The following SLC24A3 variants were observed in gnomAD, a reference collection of about 807,000 sequenced individuals.
The protein encoded by SLC24A3 is sodium/potassium/calcium exchanger 3.
Under a neutral mutation model 75.8 loss-of-function variants are expected in SLC24A3, and 28 were observed. That is an observed-to-expected ratio of 0.37 (90% CI 0.27 to 0.51). SLC24A3 has a LOEUF of 0.51. SLC24A3 is among the 20% of genes least tolerant of loss of function. The pLI is 0.94. For missense variants in SLC24A3, 663 were observed against 847.8 expected (o/e 0.78, Z 2.71); for synonymous variants, 372 against 334.1 (o/e 1.11, Z -1.24).
At chr20:19,479,839 G>A (rs1988024192) in intron 2 of SLC24A3, among the ~76,000 whole-genome samples, 1 of 152,194 alleles carries the variant, frequency 6.6e-6, no homozygotes, top group African/African-American at 2.4e-5. Flanking sequence ...GACCATGAAT[G>A]CTTAAGGCAC....
chr20:19,244,285 G>A (rs144149942), intron 1 of SLC24A3: 1 of 152,336 alleles, frequency 6.6e-6, no homozygotes, highest in Non-Finnish European at 1.5e-5. Context: ...ACAATGCCGA[G>A]AGGCTGCTGG....
chr20:19,260,840 C>A (rs968875280), intron 1 of SLC24A3, among the ~76,000 whole-genome samples: 1 of 152,216 alleles, frequency 6.6e-6, no homozygotes, highest in Non-Finnish European at 1.5e-5. Flanking sequence ...GTAACCCCCT[C>A]CGGCATGGAC....
intron 2 of SLC24A3, among the ~76,000 whole-genome samples, chr20:19,332,759 A>C (rs1241901858): frequency 6.6e-6 from 1 of 152,310 alleles, no homozygotes; most frequent in Non-Finnish European, 1.5e-5. Flanking sequence ...CCTTGGTCCC[A>C]TGAACACTCC....
At chr20:19,415,595 C>T (rs933008965) in intron 2 of SLC24A3, among the ~76,000 whole-genome samples, 3 of 151,996 alleles carry the variant, frequency 2.0e-5, no homozygotes, top group Admixed American at 1.3e-4. Flanking sequence ...AGAATGTATA[C>T]CTTAAATGTG....
At chr20:19,318,986 A>C (rs1984645647) in intron 2 of SLC24A3, among the ~76,000 whole-genome samples, 1 of 152,006 alleles carries the variant, frequency 6.6e-6, no homozygotes, top group Non-Finnish European at 1.5e-5. Flanking sequence ...ACCTCAGAAG[A>C]AAGTTCGAGA....
At chr20:19,573,851 T>C (rs1008114211) in intron 3 of SLC24A3, among the ~76,000 whole-genome samples, 1 of 152,080 alleles carries the variant, frequency 6.6e-6, no homozygotes, top group African/African-American at 2.4e-5. Context: ...TAGAACAAGA[T>C]TGAAGTTGTG....
chr20:19,584,913 A>G, intron 4 of SLC24A3, 58 bp from the exon 5 acceptor site: 1 of 1,516,570 alleles, frequency 6.6e-7, no homozygotes, highest in Non-Finnish European at 9.1e-7. Flanking sequence ...TGTCACAGTC[A>G]CCTCTCTTCC....
At chr20:19,631,646 G>A (rs956350753) in intron 6 of SLC24A3, among the ~76,000 whole-genome samples, 1 of 152,172 alleles carries the variant, frequency 6.6e-6, no homozygotes, top group Non-Finnish European at 1.5e-5. Context: ...TGTACTGCAC[G>A]TTGCTAGCCC....
At chr20:19,567,972 G>C (rs2030987324) in intron 3 of SLC24A3, among the ~76,000 whole-genome samples, 1 of 151,708 alleles carries the variant, frequency 6.6e-6, no homozygotes, top group African/African-American at 2.4e-5. Context: ...AATGGGCGAA[G>C]GACTTGAATA....
intron 6 of SLC24A3, among the ~76,000 whole-genome samples, chr20:19,605,450 A>G (rs1172711209): frequency 6.6e-6 from 1 of 152,184 alleles, no homozygotes; most frequent in African/African-American, 2.4e-5. Flanking sequence ...TTGGTATTAG[A>G]ACGTAATAGC....
intron 3 of SLC24A3, among the ~76,000 whole-genome samples, chr20:19,557,514 G>C (rs188159170): frequency 6.6e-6 from 1 of 152,072 alleles, no homozygotes; most frequent in Non-Finnish European, 1.5e-5. Flanking sequence ...CTCAGTAGCT[G>C]TCTCCAAAAC....
At chr20:19,664,066 C>T (rs2032369807) in intron 7 of SLC24A3, among the ~76,000 whole-genome samples, 1 of 152,114 alleles carries the variant, frequency 6.6e-6, no homozygotes, top group South Asian at 2.1e-4. Flanking sequence ...TTAAATTGGC[C>T]TGGTCTAATA....
intron 2 of SLC24A3, among the ~76,000 whole-genome samples, chr20:19,510,457 C>A (rs554416789): frequency 6.6e-6 from 1 of 152,158 alleles, no homozygotes; most frequent in Admixed American, 6.5e-5. Flanking sequence ...AGATACCTTG[C>A]GTCTCCTCTT....
At chr20:19,228,847 A>G (rs140941071) in intron 1 of SLC24A3, among the ~76,000 whole-genome samples, 200 of 152,270 alleles carry the variant, frequency 1.3e-3, no homozygotes, top group African/African-American at 4.5e-3. Context: ...ATTTTTGCCT[A>G]TATATTTATG....
chr20:19,509,902 G>A (rs562271253), intron 2 of SLC24A3, among the ~76,000 whole-genome samples: 1 of 152,226 alleles, frequency 6.6e-6, no homozygotes, highest in Non-Finnish European at 1.5e-5. Flanking sequence ...TTGGCATTGA[G>A]CCCCACATTT....
intron 2 of SLC24A3, among the ~76,000 whole-genome samples, chr20:19,435,145 A>G (rs891105851): frequency 2.6e-5 from 4 of 152,212 alleles, no homozygotes; most frequent in African/African-American, 9.6e-5. Context: ...TGGAGAGAGA[A>G]CAGGCTTCCA....
rs1031935464 is a variant in SLC24A3 at position 19,412,671 on chromosome 20, ATGAAAT to A, written c.272-102815_272-102810del. ...CACCTGAAGGCAGCAGCATGCCCTGATGAAATTCTTTTAAGATCTCCCACAGAATAG... is the reference window on the plus strand; with the variant it reads ...CACCTGAAGGCAGCAGCATGCCCTGATCTTTTAAGATCTCCCACAGAATAG... On this transcript the variant is annotated intron_variant, in intron 2 of 16. Coordinates refer to ENST00000328041, the MANE Select transcript of SLC24A3 (RefSeq NM_020689.4). Among the ~76,000 whole-genome samples the A allele has an allele frequency of 5.3e-5, 8 of 152,238 alleles. No individual in the cohort carries two copies. The East Asian group carries it at 7.7e-4, about 15-fold the overall frequency.
At chr20:19,468,692 T>G (rs553225250) in intron 2 of SLC24A3, among the ~76,000 whole-genome samples, 157 of 152,304 alleles carry the variant, frequency 1.0e-3, no homozygotes, top group Non-Finnish European at 1.8e-3. Context: ...ATGGCCTGTT[T>G]AGGCTGAGGT....
chr20:19,661,902 C>T lies in SLC24A3; in HGVS notation c.688-3962C>T, dbSNP rs532394615. ...GTTGTTCTGATATCCAGGGATTCGCCGGCCTGATGTAAGCCCGTCTTGCTT... is the reference window on the plus strand; with the variant it reads ...GTTGTTCTGATATCCAGGGATTCGCTGGCCTGATGTAAGCCCGTCTTGCTT... On this transcript the variant is annotated intron_variant, in intron 7 of 16. Transcript: ENST00000328041. Among the ~76,000 whole-genome samples, 28 of 152,264 alleles carry T rather than the reference C, an allele frequency of 1.8e-4. 1 individual carries two copies. In the South Asian group the frequency reaches 4.6e-3, roughly 25 times the overall value.
Sources: allele counts gnomAD v4.1 joint callset (sites outside exome capture counted in the v4.1 genomes callset), GRCh38; gene constraint gnomAD v4.1.1; transcripts MANE v1.5; gene names NCBI Gene and HGNC (gene_info 2026-07-23, HGNC 2026-07-21).